DLG2: variants seen among roughly 807,000 people sequenced by gnomAD.
DLG2 encodes the protein disks large homolog 2.
Under a neutral mutation model 132.5 loss-of-function variants are expected in DLG2, and 45 were observed. The observed-to-expected ratio is 0.34, with a 90% CI of 0.27 to 0.44. The LOEUF (loss-of-function observed/expected upper bound fraction) is 0.44, where lower values mean the gene tolerates loss of function less well. Among genes scored for constraint, DLG2 ranks in the 20% least tolerant of loss-of-function variants. The pLI, the probability that DLG2 is intolerant of heterozygous loss-of-function variation, is 1.00. For synonymous variants in DLG2, 424 were observed against 419.6 expected (o/e 1.01, Z -0.13); for missense variants, 1,045 against 1,196.9 (o/e 0.87, Z 1.87).
intron 6 of DLG2, among the ~76,000 whole-genome samples, chr11:85,039,251 G>A (rs2061650081): frequency 6.6e-6 from 1 of 151,708 alleles, no homozygotes; most frequent in African/African-American, 2.4e-5. Flanking sequence ...GAGACATTCA[G>A]TCTCTAAACA....
intron 8 of DLG2, among the ~76,000 whole-genome samples, chr11:84,219,417 T>C (rs986465639): frequency 6.6e-6 from 1 of 152,204 alleles, no homozygotes; most frequent in Admixed American, 6.5e-5. Context: ...CTTAATAAAA[T>C]CATAATTTTA....
At chr11:85,510,137 C>T (rs371490351) in intron 3 of DLG2, 1 of 150,788 alleles carries the variant, frequency 6.6e-6, no homozygotes, top group Admixed American at 6.6e-5. Flanking sequence ...AAAGAAAAGG[C>T]TCTGTAGAAG....
intron 6 of DLG2, among the ~76,000 whole-genome samples, chr11:84,915,193 A>C (rs2092378729): frequency 6.6e-6 from 1 of 152,190 alleles, no homozygotes; most frequent in African/African-American, 2.4e-5. Context: ...GACCCATTCT[A>C]CACCCCTTCA....
At chr11:83,543,139 A>C (rs554414516) in intron 19 of DLG2, among the ~76,000 whole-genome samples, 7 of 152,230 alleles carry the variant, frequency 4.6e-5, no homozygotes, top group African/African-American at 1.4e-4. Context: ...CCCTTCTTTC[A>C]TTAACACTGT....
intron 6 of DLG2, among the ~76,000 whole-genome samples, chr11:84,841,504 C>T (rs374291510): frequency 6.6e-6 from 1 of 151,960 alleles, no homozygotes. Flanking sequence ...CTGATAACAT[C>T]AGTATAAATT....
chr11:84,384,958 G>GGTT (rs2098763406), intron 7 of DLG2, among the ~76,000 whole-genome samples: 1 of 152,034 alleles, frequency 6.6e-6, no homozygotes, highest in Admixed American at 6.6e-5. Flanking sequence ...CAGGTGCAGG[G>GGTT]GTTGGATGGA....
intron 11 of DLG2, among the ~76,000 whole-genome samples, chr11:83,981,456 AT>A (rs1274371234): frequency 6.6e-6 from 1 of 152,082 alleles, no homozygotes; most frequent in African/African-American, 2.4e-5. Flanking sequence ...AATTAATTTA[AT>A]TTTTGAGATA....
chr11:84,838,926 C>T (rs2080200421), intron 6 of DLG2, among the ~76,000 whole-genome samples: 1 of 152,070 alleles, frequency 6.6e-6, no homozygotes, highest in Admixed American at 6.6e-5. Flanking sequence ...CCTTTGAAAA[C>T]TGGTACAAGA....
At chr11:83,837,667 T>C (rs1276248357) in intron 16 of DLG2, among the ~76,000 whole-genome samples, 1 of 141,690 alleles carries the variant, frequency 7.1e-6, no homozygotes, top group Non-Finnish European at 1.5e-5. Context: ...TTGTCTGTAC[T>C]TATTGGCGGT....
chr11:85,206,643 C>T (rs2152562161), intron 4 of DLG2, among the ~76,000 whole-genome samples: 2 of 152,174 alleles, frequency 1.3e-5, no homozygotes, highest in South Asian at 4.2e-4. Flanking sequence ...GTAATGAAGT[C>T]GATTCTACTC....
rs2063440350 is a variant in DLG2 at position 85,056,194 on chromosome 11, G to T, written c.357+55467C>A. ...CTTTGAAATAACCATAATCGACATG[G>T]TTCAGAAAATAAATGGCATCCCTAA... is the stretch of plus-strand genomic sequence containing the variant. On this transcript the variant is annotated intron_variant, in intron 6 of 27. Transcript: ENST00000376104. 1.3e-5 allele frequency among the ~76,000 whole-genome samples: 2 copies of T among 152,038 alleles called. 1 individual carries two copies. Among genetic ancestry groups the T allele is most frequent in the South Asian group, 4.1e-4 (2 of 4,838 alleles).
chr11:83,512,396 T>C (rs1308589627), intron 21 of DLG2, among the ~76,000 whole-genome samples: 1 of 152,182 alleles, frequency 6.6e-6, no homozygotes, highest in Non-Finnish European at 1.5e-5. Flanking sequence ...TCTACTCCTG[T>C]TCAAGAAATA....
At chr11:84,167,527 T>C (rs898611527) in intron 8 of DLG2, among the ~76,000 whole-genome samples, 12 of 152,344 alleles carry the variant, frequency 7.9e-5, no homozygotes, top group African/African-American at 2.9e-4. Flanking sequence ...AGGTTCTCCA[T>C]ACATAACAAA....
intron 3 of DLG2, among the ~76,000 whole-genome samples, chr11:85,345,520 G>A: frequency 6.6e-6 from 1 of 152,066 alleles, no homozygotes; most frequent in East Asian, 1.9e-4. Flanking sequence ...CAGAAGTTGA[G>A]GAATTTGCAT....
intron 6 of DLG2, among the ~76,000 whole-genome samples, chr11:84,885,342 A>AT (rs1279287198): frequency 1.3e-5 from 2 of 151,966 alleles, no homozygotes; most frequent in African/African-American, 4.8e-5. Context: ...ATACAGAATA[A>AT]TTTTTTTAAG....
At position 84,592,933 on chromosome 11, in the gene DLG2, TAAAAAAAAAAAAAAAAAA is replaced by T. The variant is rs61017970; in HGVS notation, c.358-58220_358-58203del. Among the ~76,000 whole-genome samples, 40 of 18,200 alleles carry T rather than the reference TAAAAAAAAAAAAAAAAAA, an allele frequency of 2.2e-3. 1 individual carries two copies. The South Asian group carries it at 0.08, about 36-fold the overall frequency. 11.9% of individuals were successfully genotyped at this position (18,200 alleles called of 152,430 possible). A position where few individuals can be genotyped will look rare whatever the true frequency, so the allele number is the denominator to read the frequency against. On this transcript the variant is annotated intron_variant, in intron 6 of 27. Transcript: ENST00000376104. The stretch of plus-strand genomic sequence containing the variant: ...TAACACGGTGAAACCCTGTCTCTAC[TAAAAAAAAAAAAAAAAAA>T]AAAAAAAAAAAAAAAAAAAAAGTTG...
intron 3 of DLG2, among the ~76,000 whole-genome samples, chr11:85,590,666 T>A (rs2079262938): frequency 6.6e-6 from 1 of 151,544 alleles, no homozygotes; most frequent in Admixed American, 6.6e-5. Context: ...TATATATATA[T>A]AAATTCCCTG....
chr11:84,895,713 A>G (rs1398167327), intron 6 of DLG2, among the ~76,000 whole-genome samples: 1 of 152,142 alleles, frequency 6.6e-6, no homozygotes, highest in Non-Finnish European at 1.5e-5. Context: ...TGTTTCTCTG[A>G]GGCAATATTT....
chr11:84,968,518 C>A (rs1229577036), intron 6 of DLG2, among the ~76,000 whole-genome samples: 4 of 151,964 alleles, frequency 2.6e-5, no homozygotes, highest in Non-Finnish European at 4.4e-5. Context: ...CCAGAATGAG[C>A]CTTTTGAGGG....
Sources: allele counts gnomAD v4.1 joint callset (sites outside exome capture counted in the v4.1 genomes callset), GRCh38; gene constraint gnomAD v4.1.1; transcripts MANE v1.5; gene names NCBI Gene and HGNC (gene_info 2026-07-23, HGNC 2026-07-21).